Variants in PBX3 observed in about 807,000 individuals in gnomAD.
PBX3 encodes the protein PBX homeobox 3, also known as pre-B-cell leukemia transcription factor 3.
Under a neutral mutation model 48.5 loss-of-function variants are expected in PBX3, and 14 were observed. The observed-to-expected ratio is 0.29, with a 90% confidence interval of 0.19 to 0.45. The LOEUF (loss-of-function observed/expected upper bound fraction) is 0.45. Ranked by LOEUF, PBX3 falls within the 20% of genes least tolerant of loss-of-function variation. The pLI is 1.00. For missense variants in PBX3, 386 were observed against 546.7 expected, an observed-to-expected ratio of 0.71 and a Z score of 2.93; for synonymous variants, 210 against 200.3, an observed-to-expected ratio of 1.05 and a Z score of -0.41.
At chr9:125,837,082 C>T (rs576200200) in intron 2 of PBX3, among the ~76,000 whole-genome samples, 1 of 152,176 alleles carries the variant, frequency 6.6e-6, no homozygotes, top group South Asian at 2.1e-4. Context: ...TTCAGAGATA[C>T]TTGTAGTATT....
chr9:125,921,811 T>TG (rs1480753095), intron 3 of PBX3, among the ~76,000 whole-genome samples: 1 of 152,190 alleles, frequency 6.6e-6, no homozygotes, highest in Non-Finnish European at 1.5e-5. Flanking sequence ...GGAAAATAGT[T>TG]GCAGTACAAA....
At chr9:125,828,995 A>T (rs762975393) in intron 2 of PBX3, among the ~76,000 whole-genome samples, 167 of 152,258 alleles carry the variant, frequency 1.1e-3, no homozygotes, top group Admixed American at 2.7e-3. Context: ...ATCCCCTGAG[A>T]GGTTTTTTGA....
chr9:125,862,966 C>G (rs1014816023), intron 2 of PBX3, among the ~76,000 whole-genome samples: 138 of 151,940 alleles, frequency 9.1e-4, no homozygotes, highest in African/African-American at 3.2e-3. Flanking sequence ...GTGATCTTGG[C>G]TCACTGCTGC....
intron 2 of PBX3, among the ~76,000 whole-genome samples, chr9:125,869,179 G>T (rs945322243): frequency 1.3e-5 from 2 of 152,048 alleles, no homozygotes; most frequent in Non-Finnish European, 2.9e-5. Context: ...TCTTAGAAAT[G>T]GCTTAAGATG....
intron 2 of PBX3, among the ~76,000 whole-genome samples, chr9:125,788,618 A>G (rs1837517970): frequency 6.6e-6 from 1 of 152,022 alleles, no homozygotes; most frequent in South Asian, 2.1e-4. Context: ...TACGTCTGTA[A>G]TCCTAGCACT....
At chr9:125,885,547 G>A (rs185362332) in intron 2 of PBX3, among the ~76,000 whole-genome samples, 2 of 152,196 alleles carry the variant, frequency 1.3e-5, no homozygotes, top group East Asian at 1.9e-4. Flanking sequence ...ATTTTAATAT[G>A]TAGAATCAGT....
At chr9:125,921,871 G>C (rs777953434) in intron 3 of PBX3, among the ~76,000 whole-genome samples, 1 of 152,156 alleles carries the variant, frequency 6.6e-6, no homozygotes, top group East Asian at 1.9e-4. Flanking sequence ...CTTGTCAAAA[G>C]TGGGCTTTAG....
chr9:125,897,141 G>GTTTTT (rs371641194), intron 2 of PBX3, among the ~76,000 whole-genome samples: 4 of 108,916 alleles, frequency 3.7e-5, no homozygotes, highest in African/African-American at 7.1e-5. Flanking sequence ...TTCATTTGTG[G>GTTTTT]TTTTTTTTTT....
At chr9:125,940,089 G>A (rs964138467) in intron 5 of PBX3, among the ~76,000 whole-genome samples, 1 of 152,108 alleles carries the variant, frequency 6.6e-6, no homozygotes, top group Non-Finnish European at 1.5e-5. Flanking sequence ...GGCTGAGGCA[G>A]GAGAATTGCT....
chr9:125,890,924 T>TTTGG (rs1840626837), intron 2 of PBX3, among the ~76,000 whole-genome samples: 1 of 152,184 alleles, frequency 6.6e-6, no homozygotes, highest in African/African-American at 2.4e-5. Context: ...AATGAGTAAA[T>TTTGG]CCTGTCAAAT....
At chr9:125,901,071 A>G (rs921988382) in intron 2 of PBX3, among the ~76,000 whole-genome samples, 8 of 151,772 alleles carry the variant, frequency 5.3e-5, no homozygotes, top group African/African-American at 1.9e-4. Context: ...CTATCCCAGA[A>G]TTATAGAATT....
chr9:125,914,612 C>T (rs981411288), intron 2 of PBX3, among the ~76,000 whole-genome samples: 2 of 152,180 alleles, frequency 1.3e-5, no homozygotes, highest in Admixed American at 6.5e-5. Context: ...GGCACAGACT[C>T]AAAAGAGAAT....
chr9:125,898,577 G>A (rs1048601218), intron 2 of PBX3, among the ~76,000 whole-genome samples: 3 of 151,788 alleles, frequency 2.0e-5, no homozygotes, highest in African/African-American at 2.4e-5. Context: ...GTTCAGGAAC[G>A]TATGGAACAT....
chr9:125,852,713 A>T (rs1428554872), intron 2 of PBX3, among the ~76,000 whole-genome samples: 2 of 152,172 alleles, frequency 1.3e-5, no homozygotes, highest in African/African-American at 4.8e-5. Flanking sequence ...CTGTTATGAA[A>T]CATTTCCCAG....
At chr9:125,827,395 G>A (rs578254593) in intron 2 of PBX3, among the ~76,000 whole-genome samples, 33 of 151,988 alleles carry the variant, frequency 2.2e-4, no homozygotes, top group African/African-American at 6.3e-4. Flanking sequence ...TTCCCCATCC[G>A]TTCAGCTCAC....
intron 2 of PBX3, among the ~76,000 whole-genome samples, chr9:125,875,449 A>G (rs1840226213): frequency 1.3e-5 from 2 of 152,146 alleles, no homozygotes; most frequent in African/African-American, 4.8e-5. Flanking sequence ...TATAAATAAT[A>G]TAATGAACAA....
chr9:125,947,561 A>T (rs915338637), intron 5 of PBX3, among the ~76,000 whole-genome samples: 10 of 152,112 alleles, frequency 6.6e-5, no homozygotes, highest in Non-Finnish European at 1.5e-4. Context: ...ACATAGAATA[A>T]TTTTTTTTAA....
chr9:125,955,574 A>G (rs1301181339), intron 5 of PBX3, among the ~76,000 whole-genome samples: 1 of 152,170 alleles, frequency 6.6e-6, no homozygotes, highest in Non-Finnish European at 1.5e-5. Context: ...TTTTTGGCTT[A>G]TTTGTGGCCA....
intron 2 of PBX3, among the ~76,000 whole-genome samples, chr9:125,907,084 C>T (rs1841091537): frequency 6.6e-6 from 1 of 151,952 alleles, no homozygotes; most frequent in Non-Finnish European, 1.5e-5. Flanking sequence ...GTTTCATCAT[C>T]AGCACACATC....
Sources: gnomAD v4.1 joint callset for allele counts (sites outside exome capture counted in the v4.1 genomes callset) on GRCh38, gnomAD v4.1.1 for gene constraint, MANE v1.5 for transcripts, NCBI Gene and HGNC (gene_info 2026-07-23, HGNC 2026-07-21) for gene names.